HMOX2: variants seen among roughly 807,000 people sequenced by gnomAD.
HMOX2 encodes the protein heme oxygenase 2, also known as heme oxygenase (decycling) 2.
In HMOX2, 30 loss-of-function variants were observed where a neutral mutation model predicts 33.7. That is an observed-to-expected ratio of 0.89 (90% CI 0.67 to 1.21). The LOEUF (loss-of-function observed/expected upper bound fraction) is 1.21. Among genes scored for constraint, HMOX2 ranks in the 50% most tolerant of loss-of-function variants. HMOX2 has a pLI of 0.00. For synonymous variants in HMOX2, 155 were observed against 155.0 expected, an observed-to-expected ratio of 1.00 and a Z score of 0.00; for missense variants, 403 against 399.1, an observed-to-expected ratio of 1.01 and a Z score of -0.08.
chr16:4,505,075 T>G (rs534838811), intron 1 of HMOX2, among the ~76,000 whole-genome samples: 2 of 152,310 alleles, frequency 1.3e-5, no homozygotes, highest in East Asian at 3.9e-4. Flanking sequence ...TTGTTTGCTT[T>G]TCTGACTTGC....
At chr16:4,492,153 A>T (rs578121209) in intron 1 of HMOX2, among the ~76,000 whole-genome samples, 17 of 152,214 alleles carry the variant, frequency 1.1e-4, no homozygotes, top group African/African-American at 3.1e-4. Flanking sequence ...CCTGGGCAAT[A>T]TAGTGAGACC....
At chr16:4,505,929 A>G (rs764670535) in intron 2 of HMOX2, among the ~76,000 whole-genome samples, 4 of 152,202 alleles carry the variant, frequency 2.6e-5, no homozygotes, top group Non-Finnish European at 5.9e-5. Flanking sequence ...AAACGCAGGC[A>G]AAGCTGGCTC....
chr16:4,485,397 C>G (rs2058142679), intron 1 of HMOX2, among the ~76,000 whole-genome samples: 1 of 152,138 alleles, frequency 6.6e-6, no homozygotes, highest in Admixed American at 6.6e-5. Context: ...TGTGCAAATA[C>G]AACAACAAAC....
chr16:4,505,518 A>G lies in HMOX2; in HGVS notation c.-7A>G. The G allele has an allele frequency of 6.2e-7, 1 of 1,603,050 alleles. No individual in the cohort carries two copies. Among genetic ancestry groups the G allele is most frequent in the East Asian group, 2.3e-5 (1 of 44,402 alleles). Reference sequence around the variant, plus strand: ...AGCGAGAGCAGCAAGAACCACACCCAGCAGCAATGTCAGCGGAAGTGGAAA... The same window carrying G: ...AGCGAGAGCAGCAAGAACCACACCCGGCAGCAATGTCAGCGGAAGTGGAAA... On this transcript the variant is annotated 5_prime_UTR_variant, in exon 2 of 6. Transcript: ENST00000570646.
intron 1 of HMOX2, chr16:4,483,822 G>C (rs2058093478): frequency 6.6e-6 from 1 of 150,964 alleles, no homozygotes; most frequent in Non-Finnish European, 1.5e-5. Context: ...ATATTAACCA[G>C]GCTGGTCTTG....
intron 1 of HMOX2, among the ~76,000 whole-genome samples, chr16:4,481,192 A>C (rs2058020252): frequency 2.0e-5 from 3 of 151,210 alleles, no homozygotes; most frequent in African/African-American, 4.8e-5. Context: ...TAAAAAATAC[A>C]AAAAAAATTA....
upstream of HMOX2, chr16:4,476,034 AGAGTT>A (rs1413734604): frequency 3.3e-5 from 5 of 152,298 alleles, no homozygotes; most frequent in Non-Finnish European, 7.3e-5. Flanking sequence ...CCGAGGTGTC[AGAGTT>A]GAGACTCAGT....
intron 1 of HMOX2, chr16:4,495,436 G>A (rs2058395391): frequency 6.6e-6 from 1 of 152,326 alleles, no homozygotes; most frequent in Non-Finnish European, 1.5e-5. Context: ...CTGGTTCTTG[G>A]TCTGGGCTTG....
At chr16:4,481,933 G>A (rs1229889598) in intron 1 of HMOX2, 2 of 152,328 alleles carry the variant, frequency 1.3e-5, no homozygotes, top group East Asian at 3.9e-4. Context: ...AGCTGAGTGT[G>A]GATAGTAGTG....
rs1038232267 is a variant in HMOX2 at position 4,508,113 on chromosome 16, A to G, written c.605A>G (p.Tyr202Cys). The G allele has an allele frequency of 1.8e-5, 29 of 1,614,076 alleles. No homozygotes were observed. The highest frequency in any genetic ancestry group is 3.3e-5 in the Admixed American group (2 of 60,014). The change falls in exon 4 of 6, where the codon TAC (tyrosine) becomes TGC (cysteine). Residue 202 changes from tyrosine to cysteine, a missense_variant. Physicochemically the swap from Tyr to Cys is radical, Grantham distance 194 (BLOSUM62 -2). Transcript: ENST00000570646. Reference sequence around the variant, plus strand: ...AATGCCCAGCAGTTCAAGCAGCTCTACCGGGCCAGGATGAACGCCCTGGAC... The same window carrying G: ...AATGCCCAGCAGTTCAAGCAGCTCTGCCGGGCCAGGATGAACGCCCTGGAC... ...VDNAQQFKQL[Y>C]RARMNALDLN...
At chr16:4,492,999 G>A (rs1465084968) in intron 1 of HMOX2, among the ~76,000 whole-genome samples, 1 of 152,100 alleles carries the variant, frequency 6.6e-6, no homozygotes, top group East Asian at 1.9e-4. Flanking sequence ...GGGGACATTT[G>A]TTAAGTTTAT....
At chr16:4,502,158 C>T (rs988595948) in intron 1 of HMOX2, among the ~76,000 whole-genome samples, 2 of 152,108 alleles carry the variant, frequency 1.3e-5, no homozygotes, top group Admixed American at 1.3e-4. Flanking sequence ...CTGCTGACCT[C>T]AGGTGATCTG....
At chr16:4,504,899 A>G (rs761049368) in intron 1 of HMOX2, among the ~76,000 whole-genome samples, 1 of 149,260 alleles carries the variant, frequency 6.7e-6, no homozygotes, top group Non-Finnish European at 1.5e-5. Flanking sequence ...CATGTTAACC[A>G]GGCTAGTCTC....
At chr16:4,482,352 C>A (rs1445159353) in intron 1 of HMOX2, among the ~76,000 whole-genome samples, 1 of 152,112 alleles carries the variant, frequency 6.6e-6, no homozygotes, top group Non-Finnish European at 1.5e-5. Context: ...GGCAAAAAAA[C>A]CCAAAGTCTT....
At chr16:4,475,419 T>A (rs1014454861), upstream of HMOX2, among the ~76,000 whole-genome samples, 1 of 151,894 alleles carries the variant, frequency 6.6e-6, no homozygotes, top group African/African-American at 2.4e-5. Context: ...GTGATTCTCC[T>A]GCCTCAGTTT....
chr16:4,480,394 G>C (rs2057991316), intron 1 of HMOX2, among the ~76,000 whole-genome samples: 1 of 148,948 alleles, frequency 6.7e-6, no homozygotes. Context: ...ACCAGGGCTG[G>C]AGTGCAGTGG....
intron 1 of HMOX2, among the ~76,000 whole-genome samples, chr16:4,493,804 C>T (rs893277860): frequency 2.6e-5 from 4 of 152,220 alleles, no homozygotes; most frequent in African/African-American, 9.6e-5. Flanking sequence ...GTGCATATGC[C>T]TGCTATTACA....
Position 4,508,076 on chromosome 16 carries a change from G to C in HMOX2, c.568G>C (p.Glu190Gln), listed in dbSNP as rs1308282999. ...TGEGTQFYLFENVDNAQQFKQ... is the reference protein window; with the variant it reads ...TGEGTQFYLFQNVDNAQQFKQ... Reference sequence around the variant, plus strand: ...GGAAGGGACCCAGTTCTACCTGTTTGAGAATGTGGACAATGCCCAGCAGTT... The same window carrying C: ...GGAAGGGACCCAGTTCTACCTGTTTCAGAATGTGGACAATGCCCAGCAGTT... Residue 190 changes from glutamate to glutamine, a missense_variant, in exon 4 of 6, where the codon GAG (glutamate) becomes CAG (glutamine). Physicochemically the swap from Glu to Gln is conservative, Grantham distance 29. Transcript: ENST00000570646. The C allele has an allele frequency of 6.2e-7, 1 of 1,614,180 alleles. No homozygotes were observed. Among genetic ancestry groups the C allele is most frequent in the Non-Finnish European group, 8.5e-7 (1 of 1,180,038 alleles).
At chr16:4,505,644 T>A in intron 2 of HMOX2, 34 bp downstream of exon 2, 1 of 1,444,410 alleles carries the variant, frequency 6.9e-7, no homozygotes, top group Non-Finnish European at 9.6e-7. Context: ...CTGAATCAGG[T>A]GGGCCCAGCA....
Sources: gnomAD v4.1 joint callset for allele counts (sites outside exome capture counted in the v4.1 genomes callset) on GRCh38, gnomAD v4.1.1 for gene constraint, MANE v1.5 for transcripts, NCBI Gene and HGNC (gene_info 2026-07-23, HGNC 2026-07-21) for gene names.